Variants in ADAM32 observed in about 807,000 individuals in gnomAD.
The protein encoded by ADAM32 is disintegrin and metalloproteinase domain-containing protein 32.
A neutral mutation model predicts 114.9 loss-of-function variants in ADAM32; 89 were observed. The observed-to-expected ratio is 0.77, with a 90% confidence interval of 0.65 to 0.92. The LOEUF is 0.92. ADAM32 is among the 40% of genes least tolerant of loss of function. The pLI, the probability that ADAM32 is intolerant of heterozygous loss-of-function variation, is 0.00. For missense variants in ADAM32, 870 were observed against 932.8 expected (o/e 0.93, Z 0.88); for synonymous variants, 285 against 307.5 (o/e 0.93, Z 0.77).
intron 23 of ADAM32, among the ~76,000 whole-genome samples, chr8:39,283,194 G>A (rs1391036847): frequency 6.6e-6 from 1 of 151,988 alleles, no homozygotes; most frequent in East Asian, 1.9e-4. Flanking sequence ...GACTGCTTGA[G>A]GTCAGGAGTT....
intron 19 of ADAM32, among the ~76,000 whole-genome samples, chr8:39,266,445 C>G (rs1812359920): frequency 6.6e-6 from 1 of 152,182 alleles, no homozygotes; most frequent in Admixed American, 6.5e-5. Flanking sequence ...TCAGCATGGT[C>G]TATTCTGTTA....
chr8:39,146,087 G>T (rs926080221), intron 3 of ADAM32, among the ~76,000 whole-genome samples: 2 of 152,242 alleles, frequency 1.3e-5, no homozygotes, highest in Admixed American at 1.3e-4. Flanking sequence ...ACACTCAGGA[G>T]GTCATTAGTA....
intron 6 of ADAM32, among the ~76,000 whole-genome samples, chr8:39,159,876 A>G (rs1585423841): frequency 6.6e-6 from 1 of 152,342 alleles, no homozygotes; most frequent in African/African-American, 2.4e-5. Context: ...ATGGATGCCA[A>G]TGAGCTGGAT....
chr8:39,208,844 T>G (rs936958180), intron 11 of ADAM32, among the ~76,000 whole-genome samples: 5 of 152,168 alleles, frequency 3.3e-5, no homozygotes, highest in African/African-American at 1.2e-4. Flanking sequence ...CCTATGAGAG[T>G]TTGATTATTA....
At chr8:39,232,962 T>A (rs1292335582) in intron 15 of ADAM32, among the ~76,000 whole-genome samples, 2 of 152,168 alleles carry the variant, frequency 1.3e-5, no homozygotes, top group Non-Finnish European at 2.9e-5. Context: ...GGGTTACAAC[T>A]TTTTCATCTT....
rs764222439 is a variant in ADAM32 at position 39,284,782 on chromosome 8, C to G, written c.2358-11C>G. 9.3e-6 allele frequency: 15 copies of G among 1,613,496 alleles called. No individual in the cohort carries two copies. The highest frequency in any genetic ancestry group is 1.3e-5 in the Non-Finnish European group (15 of 1,179,648). ...TACTTTGAGCACGTGTTTTTTTGTT[C>G]TCTTCCACAGTAACTAGTGATTCCT... On this transcript the variant is annotated splice_polypyrimidine_tract_variant and intron_variant, in intron 24 of 24. Transcript: ENST00000379907.
intron 12 of ADAM32, among the ~76,000 whole-genome samples, chr8:39,216,956 A>G (rs1395696913): frequency 6.6e-6 from 1 of 151,804 alleles, no homozygotes; most frequent in African/African-American, 2.4e-5. Flanking sequence ...TTGTACCTTC[A>G]GATGATTTAT....
chr8:39,248,493 C>T (rs1309363777), intron 17 of ADAM32, among the ~76,000 whole-genome samples: 2 of 152,002 alleles, frequency 1.3e-5, no homozygotes, highest in Non-Finnish European at 2.9e-5. Context: ...TTCATTTGTT[C>T]GTTGCTGGTG....
intron 22 of ADAM32, among the ~76,000 whole-genome samples, chr8:39,279,197 A>G (rs1186679214): frequency 6.6e-6 from 1 of 152,376 alleles, no homozygotes; most frequent in Non-Finnish European, 1.5e-5. Context: ...TATGTCTTCA[A>G]TTATTGACTC....
chr8:39,195,003 A>G (rs1806869034), intron 11 of ADAM32, among the ~76,000 whole-genome samples: 2 of 152,074 alleles, frequency 1.3e-5, no homozygotes, highest in East Asian at 3.9e-4. Context: ...GCCTGTGGTG[A>G]GAGCAGGTTG....
intron 20 of ADAM32, among the ~76,000 whole-genome samples, chr8:39,272,624 T>TA (rs1371345868): frequency 6.6e-6 from 1 of 152,162 alleles, no homozygotes; most frequent in African/African-American, 2.4e-5. Flanking sequence ...ATAGGGCACT[T>TA]ACAATGAATG....
Position 39,276,171 on chromosome 8 carries a change from T to C in ADAM32, c.2279+305T>C, listed in dbSNP as rs1813059050. On this transcript the variant is annotated intron_variant, in intron 22 of 24. Transcript: ENST00000379907. The stretch of plus-strand genomic sequence containing the variant: ...TCATAAAAAGGATCTTTTTGTATTC[T>C]TTTTCTTGGAGTACACCAAGGGGAA... 1.5e-5 allele frequency: 4 copies of C among 264,282 alleles called. No individual in the cohort carries two copies. In the South Asian group the frequency reaches 6.4e-4, roughly 42 times the overall value. The allele number at this position is 264,282 out of a possible 1,614,324, so 16.4% of individuals were successfully genotyped here.
chr8:39,125,867 A>G (rs896277295), intron 2 of ADAM32, among the ~76,000 whole-genome samples: 1 of 152,076 alleles, frequency 6.6e-6, no homozygotes, highest in Non-Finnish European at 1.5e-5. Flanking sequence ...TCCAGTTTAA[A>G]TTTTTTGCAT....
At chr8:39,269,161 G>T (rs1812552941) in intron 19 of ADAM32, among the ~76,000 whole-genome samples, 1 of 152,132 alleles carries the variant, frequency 6.6e-6, no homozygotes, top group African/African-American at 2.4e-5. Flanking sequence ...AACCCTAGCT[G>T]CCTTGCCCTT....
At chr8:39,241,574 G>T (rs1464391479) in intron 16 of ADAM32, among the ~76,000 whole-genome samples, 1 of 152,222 alleles carries the variant, frequency 6.6e-6, no homozygotes, top group African/African-American at 2.4e-5. Flanking sequence ...ACACATGGAA[G>T]CTGCCAAGGC....
intron 16 of ADAM32, among the ~76,000 whole-genome samples, chr8:39,242,395 A>G (rs1208393926): frequency 1.3e-5 from 2 of 152,160 alleles, no homozygotes; most frequent in African/African-American, 4.8e-5. Flanking sequence ...AGTTTTTTTC[A>G]TGCTGCTGAT....
At chr8:39,178,820 A>G (rs561690961) in intron 10 of ADAM32, among the ~76,000 whole-genome samples, 2 of 152,194 alleles carry the variant, frequency 1.3e-5, no homozygotes, top group East Asian at 3.9e-4. Context: ...TTCACTCCAG[A>G]CCCTAGTTGC....
intron 2 of ADAM32, among the ~76,000 whole-genome samples, chr8:39,125,808 G>A (rs954045782): frequency 6.6e-6 from 1 of 152,130 alleles, no homozygotes; most frequent in African/African-American, 2.4e-5. Flanking sequence ...TTACATTTAA[G>A]TCTTTAATCC....
chr8:39,119,447 G>A (rs886445928), intron 2 of ADAM32, among the ~76,000 whole-genome samples: 3 of 152,146 alleles, frequency 2.0e-5, no homozygotes, highest in East Asian at 3.8e-4. Flanking sequence ...GCTTCAATTT[G>A]CATTTCTTTA....
Sources: allele counts gnomAD v4.1 joint callset (sites outside exome capture counted in the v4.1 genomes callset), GRCh38; gene constraint gnomAD v4.1.1; transcripts MANE v1.5; gene names NCBI Gene and HGNC (gene_info 2026-07-23, HGNC 2026-07-21).